ADCK1: variants seen among roughly 807,000 people sequenced by gnomAD.
ADCK1 encodes aarF domain containing kinase 1.
In ADCK1, 41 loss-of-function variants were observed where a neutral mutation model predicts 52.3. The ratio of observed to expected loss-of-function variants is 0.78; its 90% CI spans 0.61 to 1.02. The LOEUF is 1.02. Ranked by LOEUF, ADCK1 falls within the 50% of genes least tolerant of loss-of-function variation. The pLI, the probability that ADCK1 is intolerant of heterozygous loss-of-function variation, is 0.00. For synonymous variants in ADCK1, 250 were observed against 274.6 expected (o/e 0.91, Z 0.89); for missense variants, 658 against 679.5 (o/e 0.97, Z 0.35).
intron 1 of ADCK1, among the ~76,000 whole-genome samples, chr14:77,806,427 T>C (rs2081226969): frequency 6.6e-6 from 1 of 152,164 alleles, no homozygotes; most frequent in Non-Finnish European, 1.5e-5. Context: ...ATTTTCTTAC[T>C]CTCATAATTT....
chr14:77,926,079 G>A, intron 9 of ADCK1, 118 bp downstream of exon 9: 1 of 1,213,054 alleles, frequency 8.2e-7, no homozygotes, highest in Non-Finnish European at 1.2e-6. Flanking sequence ...GTGTGTTGGG[G>A]GAGGGGAAGA....
chr14:77,861,812 G>C (rs955232355), intron 4 of ADCK1, among the ~76,000 whole-genome samples: 1 of 152,206 alleles, frequency 6.6e-6, no homozygotes, highest in Admixed American at 6.5e-5. Flanking sequence ...GCCCTGTGGG[G>C]CATTCCCAGC....
chr14:77,857,741 C>G (rs1313965790), intron 3 of ADCK1, among the ~76,000 whole-genome samples: 2 of 152,216 alleles, frequency 1.3e-5, no homozygotes, highest in African/African-American at 2.4e-5. Flanking sequence ...TAACTCCTCG[C>G]ATGATTTTAT....
chr14:77,862,388 G>A (rs1246572699), intron 4 of ADCK1, among the ~76,000 whole-genome samples: 3 of 152,178 alleles, frequency 2.0e-5, no homozygotes, highest in Non-Finnish European at 2.9e-5. Context: ...GCCAGCAGAT[G>A]GCGCCTGAGC....
chr14:77,897,992 A>G (rs1226667188), intron 5 of ADCK1, among the ~76,000 whole-genome samples: 1 of 152,122 alleles, frequency 6.6e-6, no homozygotes, highest in African/African-American at 2.4e-5. Context: ...CAAATTCCTC[A>G]TCTATAAAAT....
rs75775027 is a variant in ADCK1 at position 77,880,481 on chromosome 14, G to A, written c.424-6610G>A. On this transcript the variant is annotated intron_variant, in intron 4 of 10. Coordinates refer to ENST00000238561, the MANE Select transcript of ADCK1 (RefSeq NM_020421.4). Reference sequence around the variant, plus strand: ...CACAAACTCCATGGAAGACAAGGTCGGCGTGTCCTTGAGCTGTTATTGCCA... The same window carrying A: ...CACAAACTCCATGGAAGACAAGGTCAGCGTGTCCTTGAGCTGTTATTGCCA... Among the ~76,000 whole-genome samples, 1,169 of 152,282 alleles carry A rather than the reference G, an allele frequency of 7.7e-3. 7 individuals carry two copies. Among genetic ancestry groups the A allele is most frequent in the Non-Finnish European group, 0.013 (885 of 68,034 alleles).
chr14:77,918,840 T>A (rs2083985506), intron 7 of ADCK1, among the ~76,000 whole-genome samples: 1 of 152,232 alleles, frequency 6.6e-6, no homozygotes, highest in Non-Finnish European at 1.5e-5. Flanking sequence ...ATACATCAAC[T>A]TGAAGATCTT....
rs2081602867 is a variant in ADCK1, at chr14:77,822,426, G to A, written c.136-9G>A. 6.2e-7 allele frequency: 1 copy of A among 1,611,590 alleles called. No individual in the cohort carries two copies. The highest frequency in any genetic ancestry group is 1.3e-5 in the African/African-American group (1 of 74,862). ...GTGCTAAGCTTTTCTCCACTGCCTT[G>A]GTTCACAGACGGCTGTCATCAGTTA... On this transcript the variant is annotated splice_polypyrimidine_tract_variant and intron_variant, in intron 2 of 10. Transcript: ENST00000238561.
rs200358039 is a variant in ADCK1 at position 77,925,828 on chromosome 14, T to A, written c.1073T>A (p.Met358Lys). Reference protein sequence around the residue: ...HLWQSLIWTDMKRVKEYSQRL... With the variant: ...HLWQSLIWTDKKRVKEYSQRL... ...TGGCAGTCTCTGATCTGGACTGACATGAAGAGAGTGAAGGAGTACAGCCAG... is the reference window on the plus strand; with the variant it reads ...TGGCAGTCTCTGATCTGGACTGACAAGAAGAGAGTGAAGGAGTACAGCCAG... Residue 358 changes from methionine to lysine, a missense_variant, in exon 9 of 11, where the codon ATG becomes AAG. Met to Lys is a moderately conservative substitution (Grantham distance 95). Coordinates refer to ENST00000238561, the MANE Select transcript of ADCK1 (RefSeq NM_020421.4). 3 of 1,614,118 alleles carry A rather than the reference T, an allele frequency of 1.9e-6. No homozygotes were observed. The highest frequency in any genetic ancestry group is 2.2e-5 in the South Asian group (2 of 91,084).
intron 4 of ADCK1, among the ~76,000 whole-genome samples, chr14:77,878,918 G>C (rs906031663): frequency 7.8e-6 from 1 of 129,002 alleles, no homozygotes; most frequent in Admixed American, 8.9e-5. Context: ...TGATTGGACT[G>C]TCCCTTCCCC....
intron 4 of ADCK1, among the ~76,000 whole-genome samples, chr14:77,859,509 C>G (rs1460457613): frequency 6.6e-6 from 1 of 152,138 alleles, no homozygotes; most frequent in Non-Finnish European, 1.5e-5. Context: ...CTGTTATTGA[C>G]CTGAAACCTA....
chr14:77,840,109 C>T (rs1052870849), intron 3 of ADCK1, among the ~76,000 whole-genome samples: 36 of 151,974 alleles, frequency 2.4e-4, no homozygotes, highest in African/African-American at 7.7e-4. Context: ...TCAAGAATAG[C>T]GTGAACCAGG....
intron 9 of ADCK1, among the ~76,000 whole-genome samples, chr14:77,926,715 A>G (rs954063939): frequency 1.6e-4 from 25 of 152,154 alleles, no homozygotes; most frequent in African/African-American, 6.0e-4. Context: ...TTTTGTGGTC[A>G]TTATTTGTAG....
chr14:77,871,392 C>T (rs995616058), intron 4 of ADCK1, among the ~76,000 whole-genome samples: 2 of 152,038 alleles, frequency 1.3e-5, no homozygotes, highest in African/African-American at 2.4e-5. Flanking sequence ...GAGTCTCACT[C>T]AGTTGCCCAG....
At chr14:77,826,020 G>A (rs544231763) in intron 3 of ADCK1, among the ~76,000 whole-genome samples, 2 of 152,288 alleles carry the variant, frequency 1.3e-5, no homozygotes, top group East Asian at 1.9e-4. Flanking sequence ...TGCCTGTCAC[G>A]TGTCACATGT....
chr14:77,814,695 C>CAAA (rs995163952), intron 1 of ADCK1, among the ~76,000 whole-genome samples: 497 of 33,378 alleles, frequency 0.015, no homozygotes, highest in Non-Finnish European at 0.019. Flanking sequence ...AAGACACTCT[C>CAAA]AAAAAAAAAA....
rs752199480 is a variant in ADCK1 at position 77,931,593 on chromosome 14, A to T, written c.1282A>T (p.Met428Leu). The T allele has an allele frequency of 6.2e-7, 1 of 1,613,954 alleles. No individual in the cohort carries two copies. Among genetic ancestry groups the T allele is most frequent in the Non-Finnish European group, 8.5e-7 (1 of 1,180,036 alleles). The change falls in exon 10 of 11, where the codon ATG becomes TTG. Residue 428 changes from methionine (M) to leucine (L), a missense_variant. Transcript: ENST00000238561. ...SHLLNHVPRQ[M>L]LLILKTNDLL... ...TCTCCTCAACCACGTGCCGCGCCAG[A>T]TGCTGCTCATCTTGAAGACCAACGA...
intron 3 of ADCK1, among the ~76,000 whole-genome samples, chr14:77,826,895 C>T (rs1012292195): frequency 3.9e-5 from 6 of 152,186 alleles, no homozygotes; most frequent in African/African-American, 1.4e-4. Flanking sequence ...AACCTGAGCA[C>T]CAGAGCCAGT....
chr14:77,852,660 AATATATATAT>A (rs370053776), intron 3 of ADCK1, among the ~76,000 whole-genome samples: 3,489 of 31,350 alleles, frequency 0.11, 85 homozygotes, highest in Middle Eastern at 0.14. Flanking sequence ...TAAATAAATA[AATATATATAT>A]ATATATATAT....
Sources: gnomAD v4.1 joint callset for allele counts (sites outside exome capture counted in the v4.1 genomes callset) on GRCh38, gnomAD v4.1.1 for gene constraint, MANE v1.5 for transcripts, NCBI Gene and HGNC (gene_info 2026-07-23, HGNC 2026-07-21) for gene names.